The following TWIST1 variants were observed in gnomAD, a reference collection of about 807,000 sequenced individuals.
TWIST1 encodes twist-related protein 1.
Under a neutral mutation model 12.9 loss-of-function variants are expected in TWIST1, and 8 were observed. That is an observed-to-expected ratio of 0.62 (90% CI 0.37 to 1.12). The LOEUF is 1.12. TWIST1 is among the 50% of genes most tolerant of loss of function. TWIST1 has a pLI of 0.02. For synonymous variants in TWIST1, 169 were observed against 138.7 expected (o/e 1.22, Z -1.54); for missense variants, 268 against 299.7 (o/e 0.89, Z 0.78).
chr7:19,116,361 G>A lies in TWIST1; in HGVS notation c.*43-230C>T, dbSNP rs532302907. On this transcript the variant is annotated intron_variant, in intron 1 of 1. Transcript: ENST00000242261. ...GGAGAACAAAAATTGAAAGCCGAAA[G>A]AAAGGGTGGCGCTGACAAAACGGTC... is the stretch of plus-strand genomic sequence containing the variant. Among the ~76,000 whole-genome samples, 10 of 152,344 alleles carry A rather than the reference G, an allele frequency of 6.6e-5. 1 individual carries two copies. Among genetic ancestry groups the A allele is most frequent in the African/African-American group, 1.9e-4 (8 of 41,596 alleles).
At position 19,115,507 on chromosome 7, in the gene TWIST1, T is replaced by A. The variant is rs912810065; in HGVS notation, c.*667A>T. 6.6e-6 allele frequency: 1 copy of A among 152,610 alleles called. No individual in the cohort carries two copies. The highest frequency in any genetic ancestry group is 2.4e-5 in the African/African-American group (1 of 41,446). 9.5% of individuals were successfully genotyped at this position (152,610 alleles called of 1,614,324 possible). A position where few individuals can be genotyped will look rare whatever the true frequency, so the allele number is the denominator to read the frequency against. On this transcript the variant is annotated 3_prime_UTR_variant, in exon 2 of 2. Transcript: ENST00000242261. Reference sequence around the variant, plus strand: ...TATATTTATTTATTGCAGAAAAATATACAAAGATATTTACAAAACAATCAT... The same window carrying A: ...TATATTTATTTATTGCAGAAAAATAAACAAAGATATTTACAAAACAATCAT...
At position 19,117,383 on chromosome 7, in the gene TWIST1, A is replaced by C; in HGVS notation, c.-62T>G. On this transcript the variant is annotated 5_prime_UTR_variant, in exon 1 of 2. Coordinates refer to ENST00000242261, the MANE Select transcript of TWIST1 (RefSeq NM_000474.4). ...GCAGAGGAGAAGAGCGGGGCGCCTC[A>C]GCCCGCCAGCTTCCCCCGCGCGCGG... is the stretch of plus-strand genomic sequence containing the variant. 1 of 1,339,992 alleles carries C rather than the reference A, an allele frequency of 7.5e-7. No homozygotes were observed. The highest frequency in any genetic ancestry group is 3.5e-5 in the East Asian group (1 of 28,576). 83.0% of individuals were successfully genotyped at this position (1,339,992 alleles called of 1,614,324 possible).
chr7:19,117,393 C>G lies in TWIST1; in HGVS notation c.-72G>C, dbSNP rs910751154. On this transcript the variant is annotated 5_prime_UTR_variant, in exon 1 of 2. Coordinates refer to ENST00000242261, the MANE Select transcript of TWIST1 (RefSeq NM_000474.4). ...AGAGCGGGGCGCCTCAGCCCGCCAG[C>G]TTCCCCCGCGCGCGGCGCCGGCCCG... The G allele has an allele frequency of 7.6e-7, 1 of 1,310,176 alleles. No homozygotes were observed. Among genetic ancestry groups the G allele is most frequent in the African/African-American group, 1.6e-5 (1 of 63,740 alleles). 81.2% of individuals were successfully genotyped at this position (1,310,176 alleles called of 1,614,324 possible).
rs1478055727 is a variant in TWIST1 at position 19,117,230 on chromosome 7, C to A, written c.92G>T (p.Ser31Ile). The A allele has an allele frequency of 2.1e-6, 3 of 1,417,528 alleles. No individual in the cohort carries two copies. Among genetic ancestry groups the A allele is most frequent in the Non-Finnish European group, 2.8e-6 (3 of 1,082,680 alleles). 87.8% of individuals were successfully genotyped at this position (1,417,528 alleles called of 1,614,324 possible). ...CCGCTTGCGTCCCCCGCGCTTGCCG[C>A]TCGGCGGCTGCTGCCGGTCTGGCTC... ...EEEPDRQQPP[S>I]GKRGGRKRRS... is the part of the protein sequence containing the mutation. Residue 31 changes from serine (S) to isoleucine (I), a missense_variant, in exon 1 of 2, where the codon AGC becomes ATC. Ser to Ile is a moderately radical substitution (Grantham distance 142). This residue lies in a region of TWIST1 where 189 missense variants were observed against 172.1 expected (regional missense o/e 1.10). Transcript: ENST00000242261.
rs1788602963 is a variant in TWIST1 at position 19,117,482 on chromosome 7, G to A, written c.-161C>T. The A allele has an allele frequency of 5.0e-6, 6 of 1,189,232 alleles. No homozygotes were observed. In the South Asian group the frequency reaches 1.3e-4, roughly 25 times the overall value. 73.7% of individuals were successfully genotyped at this position (1,189,232 alleles called of 1,614,324 possible). ...CGGGAGGGACCTCCGCGGGGAGGGCGCGCGGGGGAGGCGGGGAGGGAGGCG... is the reference window on the plus strand; with the variant it reads ...CGGGAGGGACCTCCGCGGGGAGGGCACGCGGGGGAGGCGGGGAGGGAGGCG... On this transcript the variant is annotated 5_prime_UTR_variant, in exon 1 of 2. Transcript: ENST00000242261.
At chr7:19,115,266 C>T (rs1170646035), downstream of TWIST1, among the ~76,000 whole-genome samples, 3 of 152,106 alleles carry the variant, frequency 2.0e-5, no homozygotes, top group East Asian at 5.8e-4. Context: ...CTACTAAGCC[C>T]TCTGAATACC....
Position 19,117,316 on chromosome 7 carries a change from C to A in TWIST1, c.6G>T (p.Met2Ile). Residue 2 changes from methionine (M) to isoleucine (I), a missense_variant, in exon 1 of 2, where the codon ATG becomes ATT. Physicochemically the swap from Met to Ile is conservative, Grantham distance 10. This residue lies in a region of TWIST1 where 189 missense variants were observed against 172.1 expected (regional missense o/e 1.10). Transcript: ENST00000242261. M[M>I]QDVSSSPVSP... ...AGACTGGCGAGCTGGACACGTCCTG[C>A]ATCATCTCTCGAGCGGCGACGCGTG... 6.8e-7 allele frequency: 1 copy of A among 1,469,082 alleles called. No individual in the cohort carries two copies. The allele number at this position is 1,469,082 out of a possible 1,614,324, so 91.0% of individuals were successfully genotyped here.
At chr7:19,113,052 G>T (rs1272498588), downstream of TWIST1, 1 of 152,154 alleles carries the variant, frequency 6.6e-6, no homozygotes, top group Admixed American at 6.5e-5. Context: ...GCAAGTTTCT[G>T]CTCCTTAACA....
Position 19,115,922 on chromosome 7 carries a change from G to A in TWIST1, c.*252C>T, listed in dbSNP as rs966037847. On this transcript the variant is annotated 3_prime_UTR_variant, in exon 2 of 2. Coordinates refer to ENST00000242261, the MANE Select transcript of TWIST1 (RefSeq NM_000474.4). ...GACTTCTATCAGAATGCAGAGGTGT[G>A]AGGATGGTGCCGCTGCCCGTCTGGG... 2.0e-5 allele frequency: 3 copies of A among 151,786 alleles called. No homozygotes were observed. The highest frequency in any genetic ancestry group is 6.6e-5 in the Admixed American group (1 of 15,220). 9.4% of individuals were successfully genotyped at this position (151,786 alleles called of 1,614,324 possible). A position where few individuals can be genotyped will look rare whatever the true frequency, so the allele number is the denominator to read the frequency against.
chr7:19,116,231 G>A (rs1398112842), intron 1 of TWIST1, 100 bp from the exon 2 acceptor site: 4 of 163,578 alleles, frequency 2.4e-5, no homozygotes, highest in Admixed American at 5.9e-5. Context: ...CCACCACTGA[G>A]AAATTAAGCT....
downstream of TWIST1, chr7:19,114,284 T>C (rs1788524828): frequency 6.6e-6 from 1 of 152,230 alleles, no homozygotes; most frequent in Non-Finnish European, 1.5e-5. Flanking sequence ...CATAATATTC[T>C]TATGTCAGCA....
In TWIST1 at chr7:19,117,036, CGCT is replaced by C. The variant is rs771484889; in HGVS notation, c.283_285del (p.Ser95del). The C allele has an allele frequency of 3.4e-6, 5 of 1,477,436 alleles. No homozygotes were observed. Among genetic ancestry groups the C allele is most frequent in the South Asian group, 1.4e-5 (1 of 72,288 alleles). The allele number at this position is 1,477,436 out of a possible 1,614,324, so 91.5% of individuals were successfully genotyped here. A position where few individuals can be genotyped will look rare whatever the true frequency, so the allele number is the denominator to read the frequency against. ...TCGTAAGACTGCGGACTCCCGCCGC[CGCT>C]GCTGCTGCCGCCGCCGCCGCCCGCG... On this transcript the variant is annotated inframe_deletion, in exon 1 of 2. Coordinates refer to ENST00000242261, the MANE Select transcript of TWIST1 (RefSeq NM_000474.4).
chr7:19,116,146 A>AGG lies in TWIST1; in HGVS notation c.*43-17_*43-16dup, dbSNP rs55734353. ...AACAATGACATCTGCAAAAACCCAGAGGGGGGGGGGGGAGTCGGTTATTGT... is the reference window on the plus strand; with the variant it reads ...AACAATGACATCTGCAAAAACCCAGAGGGGGGGGGGGGGGAGTCGGTTATTGT... On this transcript the variant is annotated splice_polypyrimidine_tract_variant and intron_variant, in intron 1 of 1. Coordinates refer to ENST00000242261, the MANE Select transcript of TWIST1 (RefSeq NM_000474.4). The AGG allele has an allele frequency of 4.2e-5, 5 of 120,330 alleles. No homozygotes were observed. The highest frequency in any genetic ancestry group is 6.0e-4 in the East Asian group (2 of 3,312). 7.5% of individuals were successfully genotyped at this position (120,330 alleles called of 1,614,324 possible).
Position 19,117,410 on chromosome 7 carries a change from G to T in TWIST1, c.-89C>A. On this transcript the variant is annotated 5_prime_UTR_variant, in exon 1 of 2. Transcript: ENST00000242261. ...CCCGCCAGCTTCCCCCGCGCGCGGC[G>T]CCGGCCCGGGCGATGCGGCCCGCGG... 1 of 1,229,398 alleles carries T rather than the reference G, an allele frequency of 8.1e-7. No homozygotes were observed. The highest frequency in any genetic ancestry group is 1.0e-6 in the Non-Finnish European group (1 of 981,290). The allele number at this position is 1,229,398 out of a possible 1,614,324, so 76.2% of individuals were successfully genotyped here.
chr7:19,117,014 T>C lies in TWIST1; in HGVS notation c.308A>G (p.Tyr103Cys). The part of the protein sequence containing the change: ...SSSGGGSPQS[Y>C]EELQTQRVMA... ...GACCCGCTGCGTCTGCAGCTCCTCG[T>C]AAGACTGCGGACTCCCGCCGCCGCT... The change falls in exon 1 of 2, where the codon TAC becomes TGC. Residue 103 changes from tyrosine (Y) to cysteine (C), a missense_variant. Tyr to Cys is a radical substitution (Grantham distance 194, BLOSUM62 -2). Transcript: ENST00000242261. 1 of 1,582,392 alleles carries C rather than the reference T, an allele frequency of 6.3e-7. No individual in the cohort carries two copies. The highest frequency in any genetic ancestry group is 1.1e-5 in the South Asian group (1 of 88,194).
rs1012863789 is a variant in TWIST1, at chr7:19,117,418, G to C, written c.-97C>G. ...CTTCCCCCGCGCGCGGCGCCGGCCC[G>C]GGCGATGCGGCCCGCGGAGGAGAGA... On this transcript the variant is annotated 5_prime_UTR_variant, in exon 1 of 2. Coordinates refer to ENST00000242261, the MANE Select transcript of TWIST1 (RefSeq NM_000474.4). 1.6e-6 allele frequency: 2 copies of C among 1,218,080 alleles called. No individual in the cohort carries two copies. The highest frequency in any genetic ancestry group is 2.6e-5 in the South Asian group (1 of 38,918). The allele number at this position is 1,218,080 out of a possible 1,614,324, so 75.5% of individuals were successfully genotyped here.
At position 19,117,371 on chromosome 7, in the gene TWIST1, G is replaced by A. The variant is rs1788598067; in HGVS notation, c.-50C>T. 8.7e-6 allele frequency: 12 copies of A among 1,378,724 alleles called. No individual in the cohort carries two copies. Among genetic ancestry groups the A allele is most frequent in the African/African-American group, 3.0e-5 (2 of 65,888 alleles). 85.4% of individuals were successfully genotyped at this position (1,378,724 alleles called of 1,614,324 possible). ...CGCGGGCCCGGGGCAGAGGAGAAGA[G>A]CGGGGCGCCTCAGCCCGCCAGCTTC... is the stretch of plus-strand genomic sequence containing the variant. On this transcript the variant is annotated 5_prime_UTR_variant, in exon 1 of 2. Coordinates refer to ENST00000242261, the MANE Select transcript of TWIST1 (RefSeq NM_000474.4).
downstream of TWIST1, among the ~76,000 whole-genome samples, chr7:19,115,217 A>ATT (rs1563159100): frequency 1.3e-5 from 2 of 152,226 alleles, no homozygotes; most frequent in Non-Finnish European, 2.9e-5. Flanking sequence ...AAATTTGTTA[A>ATT]GTTTTTGCTG....
downstream of TWIST1, chr7:19,114,156 A>T (rs903311551): frequency 2.0e-5 from 3 of 152,168 alleles, no homozygotes; most frequent in Non-Finnish European, 2.9e-5. Context: ...TATTTGCTAA[A>T]GGACTATCAA....
Sources: allele counts gnomAD v4.1 joint callset (sites outside exome capture counted in the v4.1 genomes callset), GRCh38; gene constraint gnomAD v4.1.1; regional missense constraint gnomAD v4.1.1; transcripts MANE v1.5; gene names NCBI Gene and HGNC (gene_info 2026-07-23, HGNC 2026-07-21).